GALNTL6: variants seen among roughly 807,000 people sequenced by gnomAD.
GALNTL6 encodes polypeptide N-acetylgalactosaminyltransferase like 6.
GALNTL6 carries 46 observed loss-of-function variants against 73.7 expected under a neutral mutation model. That is an observed-to-expected ratio of 0.62 (90% CI 0.49 to 0.80). The LOEUF is 0.80. Ranked by LOEUF, GALNTL6 falls within the 30% of genes least tolerant of loss-of-function variation. GALNTL6 has a pLI of 0.00. For synonymous variants in GALNTL6, 259 were observed against 263.7 expected (o/e 0.98, Z 0.17); for missense variants, 604 against 755.0 (o/e 0.80, Z 2.34).
chr4:172,204,943 A>C (rs1736059701), intron 2 of GALNTL6, among the ~76,000 whole-genome samples: 1 of 152,210 alleles, frequency 6.6e-6, no homozygotes, highest in African/African-American at 2.4e-5. Flanking sequence ...TCTATTGATG[A>C]AGAAGTCCCA....
Position 172,313,845 on chromosome 4 carries a change from G to A in GALNTL6, c.386+2093G>A, listed in dbSNP as rs369537260. ...CAACAAAAACCTTGAGAGGGTTTGA[G>A]ATGGATAAAAAGAAAGTGTTAAGTA... On this transcript the variant is annotated intron_variant, in intron 4 of 12. Transcript: ENST00000506823. 2.7e-4 allele frequency among the ~76,000 whole-genome samples: 41 copies of A among 152,292 alleles called. 2 individuals carry two copies. The South Asian group carries it at 6.6e-3, about 25-fold the overall frequency.
chr4:171,818,309 A>G (rs1365302592), intron 2 of GALNTL6, among the ~76,000 whole-genome samples: 2 of 151,716 alleles, frequency 1.3e-5, no homozygotes. Flanking sequence ...AGAATATGTG[A>G]AAAAAAATCT....
chr4:172,380,606 A>G, intron 5 of GALNTL6: 2 of 204,206 alleles, frequency 9.8e-6, no homozygotes, highest in South Asian at 2.0e-4. Context: ...ACTGTTTAAT[A>G]TGCATCAATT....
chr4:172,028,395 T>C (rs1741658715), intron 2 of GALNTL6, among the ~76,000 whole-genome samples: 1 of 152,060 alleles, frequency 6.6e-6, no homozygotes, highest in Admixed American at 6.6e-5. Context: ...AGAAAAGAAT[T>C]GATAAAATTG....
At chr4:172,574,939 T>TACACAC (rs33997885) in intron 5 of GALNTL6, among the ~76,000 whole-genome samples, 25 of 150,264 alleles carry the variant, frequency 1.7e-4, no homozygotes, top group Non-Finnish European at 7.4e-5. Context: ...CACGCACACA[T>TACACAC]ACACACACAC....
intron 5 of GALNTL6, among the ~76,000 whole-genome samples, chr4:172,762,808 G>T (rs1212416635): frequency 1.4e-5 from 2 of 145,404 alleles, no homozygotes; most frequent in Non-Finnish European, 1.5e-5. Flanking sequence ...AAAACCCAGT[G>T]AAAGTAACAT....
intron 5 of GALNTL6, among the ~76,000 whole-genome samples, chr4:172,493,230 G>C (rs1368669034): frequency 6.6e-6 from 1 of 152,036 alleles, no homozygotes; most frequent in Non-Finnish European, 1.5e-5. Flanking sequence ...ATTAAAACTT[G>C]ATTATTTTTG....
intron 2 of GALNTL6, among the ~76,000 whole-genome samples, chr4:172,039,665 T>C (rs1742030710): frequency 6.6e-6 from 1 of 152,050 alleles, no homozygotes; most frequent in African/African-American, 2.4e-5. Flanking sequence ...CTCTGGAGAC[T>C]CCCAGTCAAA....
At chr4:171,974,611 A>C (rs972839945) in intron 2 of GALNTL6, among the ~76,000 whole-genome samples, 1 of 152,210 alleles carries the variant, frequency 6.6e-6, no homozygotes, top group African/African-American at 2.4e-5. Flanking sequence ...TAGACAAAAA[A>C]ATTTTAAATA....
intron 5 of GALNTL6, among the ~76,000 whole-genome samples, chr4:172,788,399 G>A (rs908145293): frequency 9.2e-5 from 14 of 152,148 alleles, no homozygotes; most frequent in East Asian, 3.9e-4. Context: ...TGGGCCGGGC[G>A]CGGTGGCTCA....
At chr4:171,856,846 A>T (rs1560815841) in intron 2 of GALNTL6, among the ~76,000 whole-genome samples, 2 of 152,170 alleles carry the variant, frequency 1.3e-5, no homozygotes, top group Non-Finnish European at 2.9e-5. Flanking sequence ...GATTTATAGT[A>T]AATCTTGAAG....
At chr4:172,844,754 T>A (rs2111092093) in intron 7 of GALNTL6, among the ~76,000 whole-genome samples, 1 of 152,264 alleles carries the variant, frequency 6.6e-6, no homozygotes, top group East Asian at 1.9e-4. Flanking sequence ...GTGCCACAGG[T>A]CAATTATGCA....
chr4:172,291,536 C>T (rs1289598850), intron 3 of GALNTL6, among the ~76,000 whole-genome samples: 1 of 152,022 alleles, frequency 6.6e-6, no homozygotes, highest in Non-Finnish European at 1.5e-5. Flanking sequence ...CTAGTTAGCT[C>T]AGTTTCTCTC....
chr4:171,986,131 A>G (rs1740072937), intron 2 of GALNTL6, among the ~76,000 whole-genome samples: 1 of 151,686 alleles, frequency 6.6e-6, no homozygotes, highest in African/African-American at 2.4e-5. Flanking sequence ...TGAAGAGACC[A>G]CCAAACAGGC....
chr4:172,846,293 G>C (rs1187018533), intron 7 of GALNTL6, among the ~76,000 whole-genome samples: 1 of 152,066 alleles, frequency 6.6e-6, no homozygotes, highest in African/African-American at 2.4e-5. Context: ...ATGAACCTTA[G>C]AAAATATAAT....
chr4:172,994,681 CT>C (rs1751697489), intron 10 of GALNTL6, among the ~76,000 whole-genome samples: 1 of 152,096 alleles, frequency 6.6e-6, no homozygotes, highest in Admixed American at 6.6e-5. Context: ...ATTATTTTAC[CT>C]GAAAATAAAG....
intron 2 of GALNTL6, among the ~76,000 whole-genome samples, chr4:172,003,356 A>G (rs762619495): frequency 9.2e-5 from 14 of 152,160 alleles, no homozygotes; most frequent in Non-Finnish European, 1.6e-4. Context: ...CATCATACAC[A>G]ATTATTTTAA....
rs186154493 is a variant in GALNTL6, at chr4:172,695,724, G to A, written c.554-113637G>A. 4.4e-3 allele frequency among the ~76,000 whole-genome samples: 673 copies of A among 152,274 alleles called. 5 individuals are homozygous for A. Among genetic ancestry groups the A allele is most frequent in the African/African-American group, 0.015 (643 of 41,552 alleles). Reference sequence around the variant, plus strand: ...GCACTTTGGGAGGCCGAGGCGGGCGGATCATGAGGTCAGGAGATCAAGACC... The same window carrying A: ...GCACTTTGGGAGGCCGAGGCGGGCGAATCATGAGGTCAGGAGATCAAGACC... On this transcript the variant is annotated intron_variant, in intron 5 of 12. Coordinates refer to ENST00000506823, the MANE Select transcript of GALNTL6 (RefSeq NM_001034845.3).
intron 5 of GALNTL6, among the ~76,000 whole-genome samples, chr4:172,717,728 A>G (rs1384017526): frequency 6.6e-6 from 1 of 152,234 alleles, no homozygotes; most frequent in Non-Finnish European, 1.5e-5. Flanking sequence ...AACTAATGCC[A>G]TAAAGTGACT....
Sources: allele counts gnomAD v4.1 joint callset (sites outside exome capture counted in the v4.1 genomes callset), GRCh38; gene constraint gnomAD v4.1.1; transcripts MANE v1.5; gene names NCBI Gene and HGNC (gene_info 2026-07-23, HGNC 2026-07-21).